PRKCB: variants seen among roughly 807,000 people sequenced by gnomAD.
PRKCB encodes the protein protein kinase C beta type.
In PRKCB, 13 loss-of-function variants were observed where a neutral mutation model predicts 81.5. The observed-to-expected ratio is 0.16, with a 90% CI of 0.10 to 0.25. The LOEUF (loss-of-function observed/expected upper bound fraction) is 0.25, where lower values mean the gene tolerates loss of function less well. Among genes scored for constraint, PRKCB ranks in the 10% least tolerant of loss-of-function variants. The pLI is 1.00. For missense variants in PRKCB, 509 were observed against 875.7 expected (o/e 0.58, Z 5.29); for synonymous variants, 335 against 321.4 (o/e 1.04, Z -0.45).
At chr16:23,863,876 G>T (rs1962727034) in intron 2 of PRKCB, among the ~76,000 whole-genome samples, 1 of 152,136 alleles carries the variant, frequency 6.6e-6, no homozygotes, top group Non-Finnish European at 1.5e-5. Flanking sequence ...GTAAGTTGTG[G>T]TTAAAAGAGA....
intron 3 of PRKCB, among the ~76,000 whole-genome samples, chr16:24,031,482 C>T (rs540399088): frequency 4.2e-4 from 64 of 152,330 alleles, no homozygotes; most frequent in African/African-American, 1.5e-3. Flanking sequence ...TTGGCCAGAA[C>T]TCAGCACCAT....
chr16:23,978,843 C>G (rs1440033103), intron 2 of PRKCB, among the ~76,000 whole-genome samples: 1 of 152,198 alleles, frequency 6.6e-6, no homozygotes, highest in Non-Finnish European at 1.5e-5. Flanking sequence ...AAGTAGCTGG[C>G]ATGAATGAAG....
At chr16:23,929,251 C>T (rs1430640997) in intron 2 of PRKCB, among the ~76,000 whole-genome samples, 1 of 152,072 alleles carries the variant, frequency 6.6e-6, no homozygotes, top group Non-Finnish European at 1.5e-5. Context: ...GACTTTGATG[C>T]CAGGCCACAG....
chr16:24,148,679 C>A (rs1967030132), intron 9 of PRKCB, among the ~76,000 whole-genome samples: 6 of 152,142 alleles, frequency 3.9e-5, no homozygotes, highest in Admixed American at 3.9e-4. Context: ...TAAACTGCAG[C>A]CATTTTTGAT....
At chr16:23,981,174 A>G (rs897886631) in intron 2 of PRKCB, among the ~76,000 whole-genome samples, 1 of 152,170 alleles carries the variant, frequency 6.6e-6, no homozygotes, top group Non-Finnish European at 1.5e-5. Flanking sequence ...AGGTGTCAGC[A>G]GGGCTGCCTT....
intron 2 of PRKCB, among the ~76,000 whole-genome samples, chr16:23,941,659 A>G (rs140165703): frequency 1.9e-3 from 283 of 152,318 alleles, no homozygotes; most frequent in African/African-American, 6.4e-3. Context: ...ATGATCATAG[A>G]TGCAAAAAAA....
intron 2 of PRKCB, among the ~76,000 whole-genome samples, chr16:23,924,067 A>G (rs1963863852): frequency 6.6e-6 from 1 of 152,036 alleles, no homozygotes; most frequent in Admixed American, 6.6e-5. Context: ...AATCCCCATA[A>G]TCCCCATGTG....
chr16:24,049,145 G>A lies in PRKCB; in HGVS notation c.529+13598G>A, dbSNP rs1213732374. On this transcript the variant is annotated intron_variant, in intron 5 of 16. Coordinates refer to ENST00000643927, the MANE Select transcript of PRKCB (RefSeq NM_002738.7). ...TGAATAAATTCCTAGGTTGTGAGAAGCAGGTGGATGGAGAAGACTTTCTCT... is the reference window on the plus strand; with the variant it reads ...TGAATAAATTCCTAGGTTGTGAGAAACAGGTGGATGGAGAAGACTTTCTCT... 2.2e-5 allele frequency among the ~76,000 whole-genome samples: 3 copies of A among 134,490 alleles called. No homozygotes were observed. The East Asian group carries it at 7.5e-4, about 33-fold the overall frequency. 88.2% of individuals were successfully genotyped at this position (134,490 alleles called of 152,430 possible). A position where few individuals can be genotyped will look rare whatever the true frequency, so the allele number is the denominator to read the frequency against.
In PRKCB at chr16:24,214,342, G is replaced by A. The variant is rs191362817; in HGVS notation, c.1864-316G>A. ...CTGACTTCTCGGGGTGGGTTGGGGG[G>A]ACATGCCACATGCCTCTGGCCCCAC... On this transcript the variant is annotated intron_variant, in intron 16 of 16. Transcript: ENST00000643927. Among the ~76,000 whole-genome samples, 137 of 152,088 alleles carry A rather than the reference G, an allele frequency of 9.0e-4. 2 individuals carry two copies. The East Asian group carries it at 0.011, about 12-fold the overall frequency.
intron 13 of PRKCB, among the ~76,000 whole-genome samples, chr16:24,183,449 CT>C (rs1967658189): frequency 6.6e-6 from 1 of 152,144 alleles, no homozygotes; most frequent in African/African-American, 2.4e-5. Context: ...ATTCCTGCTA[CT>C]TAACTGAAAT....
intron 4 of PRKCB, among the ~76,000 whole-genome samples, chr16:24,032,690 C>T (rs1192275230): frequency 3.3e-5 from 5 of 152,092 alleles, no homozygotes; most frequent in Non-Finnish European, 7.4e-5. Flanking sequence ...TCCGTGCATG[C>T]ACGGAGGTCA....
intron 2 of PRKCB, among the ~76,000 whole-genome samples, chr16:23,874,285 A>C (rs1465393924): frequency 6.6e-6 from 1 of 152,194 alleles, no homozygotes; most frequent in African/African-American, 2.4e-5. Flanking sequence ...GTGCCTTATA[A>C]AACACAAATT....
At chr16:23,994,267 T>G (rs1179937117) in intron 3 of PRKCB, among the ~76,000 whole-genome samples, 3 of 152,162 alleles carry the variant, frequency 2.0e-5, no homozygotes, top group Admixed American at 2.0e-4. Context: ...TCAATGGAAT[T>G]TTAGCTCAGG....
At chr16:23,880,536 C>T (rs1235202856) in intron 2 of PRKCB, among the ~76,000 whole-genome samples, 1 of 152,086 alleles carries the variant, frequency 6.6e-6, no homozygotes, top group Non-Finnish European at 1.5e-5. Flanking sequence ...ACAGCCTCTG[C>T]AGGCCTTTCT....
chr16:23,997,958 A>G (rs1964981761), intron 3 of PRKCB, among the ~76,000 whole-genome samples: 1 of 152,224 alleles, frequency 6.6e-6, no homozygotes. Context: ...GTACCCAGAT[A>G]GCTGGTAATA....
At chr16:23,908,858 A>G (rs990196527) in intron 2 of PRKCB, among the ~76,000 whole-genome samples, 2 of 152,116 alleles carry the variant, frequency 1.3e-5, no homozygotes, top group African/African-American at 4.8e-5. Flanking sequence ...CACCCACTCA[A>G]TATAGAAAAC....
rs973049879 is a variant in PRKCB at position 24,177,838 on chromosome 16, T to C, written c.1395-2952T>C. ...AGACTCTTAATCTGGTTCTTCAGTC[T>C]CCTCAAAGATTCTATGAGCTCCCCA... On this transcript the variant is annotated intron_variant, in intron 12 of 16. Transcript: ENST00000643927. Among the ~76,000 whole-genome samples, 38 of 152,228 alleles carry C rather than the reference T, an allele frequency of 2.5e-4. 1 individual carries two copies. The highest frequency in any genetic ancestry group is 8.8e-5 in the Non-Finnish European group (6 of 68,042).
At chr16:23,919,686 T>C (rs921162717) in intron 2 of PRKCB, among the ~76,000 whole-genome samples, 3 of 152,216 alleles carry the variant, frequency 2.0e-5, no homozygotes, top group Non-Finnish European at 4.4e-5. Context: ...CTCCACCCCA[T>C]GGCCACCACC....
intron 5 of PRKCB, among the ~76,000 whole-genome samples, chr16:24,090,005 T>C (rs1966358704): frequency 6.6e-6 from 1 of 152,192 alleles, no homozygotes; most frequent in African/African-American, 2.4e-5. Context: ...GTGAAGTAAC[T>C]GCTTGGTAAG....
Sources: allele counts gnomAD v4.1 joint callset (sites outside exome capture counted in the v4.1 genomes callset), GRCh38; gene constraint gnomAD v4.1.1; transcripts MANE v1.5; gene names NCBI Gene and HGNC (gene_info 2026-07-23, HGNC 2026-07-21).